The following GNAQ variants were observed in gnomAD, a reference collection of about 807,000 sequenced individuals.
GNAQ encodes guanine nucleotide-binding protein G(q) subunit alpha.
Under a neutral mutation model 43.9 loss-of-function variants are expected in GNAQ, and 8 were observed. The ratio of observed to expected loss-of-function variants is 0.18; its 90% CI spans 0.11 to 0.33. The LOEUF (loss-of-function observed/expected upper bound fraction) is 0.33. Among genes scored for constraint, GNAQ ranks in the 10% least tolerant of loss-of-function variants. GNAQ has a pLI of 1.00. For synonymous variants in GNAQ, 155 were observed against 170.7 expected (o/e 0.91, Z 0.71); for missense variants, 158 against 450.8 (o/e 0.35, Z 5.88).
chr9:77,755,674 C>T (rs752829350), intron 5 of GNAQ, among the ~76,000 whole-genome samples: 7 of 152,106 alleles, frequency 4.6e-5, no homozygotes, highest in African/African-American at 9.7e-5. Flanking sequence ...ATTTAAGTAT[C>T]GTTAACTTTA....
chr9:77,802,159 T>G (rs2118473578), intron 3 of GNAQ, among the ~76,000 whole-genome samples: 1 of 152,116 alleles, frequency 6.6e-6, no homozygotes, highest in Middle Eastern at 3.4e-3. Flanking sequence ...AGAGTGAGAC[T>G]CTGTCTCAAA....
At chr9:77,944,464 A>G (rs2118353755) in intron 1 of GNAQ, among the ~76,000 whole-genome samples, 1 of 152,184 alleles carries the variant, frequency 6.6e-6, no homozygotes, top group African/African-American at 2.4e-5. Flanking sequence ...TCCTCTTTAG[A>G]CCAGAAACCA....
intron 2 of GNAQ, among the ~76,000 whole-genome samples, chr9:77,868,965 C>T (rs1373750801): frequency 6.6e-6 from 1 of 152,010 alleles, no homozygotes; most frequent in Non-Finnish European, 1.5e-5. Flanking sequence ...TTAGCCTGGG[C>T]AACAGAGCAA....
intron 5 of GNAQ, among the ~76,000 whole-genome samples, chr9:77,764,755 G>A (rs978606680): frequency 2.0e-5 from 3 of 152,036 alleles, no homozygotes; most frequent in African/African-American, 7.2e-5. Context: ...GCGCCCAGCC[G>A]AAAAGACTTG....
intron 2 of GNAQ, among the ~76,000 whole-genome samples, chr9:77,884,717 T>C (rs79600247): frequency 6.6e-6 from 1 of 152,144 alleles, no homozygotes; most frequent in Non-Finnish European, 1.5e-5. Context: ...AAGCATAGTT[T>C]GCATCTCAGT....
intron 2 of GNAQ, among the ~76,000 whole-genome samples, chr9:77,838,554 A>T (rs186843105): frequency 1.3e-3 from 198 of 152,014 alleles, no homozygotes; most frequent in African/African-American, 4.7e-3. Context: ...GGAAGCAACT[A>T]TATTTCTGCC....
chr9:77,793,213 A>T (rs900776518), intron 5 of GNAQ, among the ~76,000 whole-genome samples: 2 of 152,298 alleles, frequency 1.3e-5, no homozygotes, highest in South Asian at 4.1e-4. Flanking sequence ...ACTTACTGTC[A>T]TATATTGTAG....
intron 1 of GNAQ, among the ~76,000 whole-genome samples, chr9:77,959,558 T>G (rs930483142): frequency 6.6e-6 from 1 of 152,188 alleles, no homozygotes; most frequent in Non-Finnish European, 1.5e-5. Flanking sequence ...TCAATCTGCA[T>G]GAAAGTATGT....
intron 2 of GNAQ, among the ~76,000 whole-genome samples, chr9:77,877,538 T>C (rs1393431996): frequency 6.6e-6 from 1 of 152,200 alleles, no homozygotes; most frequent in Non-Finnish European, 1.5e-5. Context: ...GGAAAAAATA[T>C]AGGTGGGTAA....
intron 1 of GNAQ, among the ~76,000 whole-genome samples, chr9:77,935,771 C>T (rs183840694): frequency 8.5e-4 from 129 of 152,226 alleles, no homozygotes; most frequent in Middle Eastern, 6.8e-3. Flanking sequence ...GCCCTATGTT[C>T]CTCCAGTATT....
At chr9:77,781,438 A>G (rs1826391703) in intron 5 of GNAQ, among the ~76,000 whole-genome samples, 1 of 152,086 alleles carries the variant, frequency 6.6e-6, no homozygotes. Context: ...CAAAGATTTA[A>G]GAAAGAAATC....
chr9:77,970,303 G>T (rs1823222152), intron 1 of GNAQ, among the ~76,000 whole-genome samples: 1 of 151,902 alleles, frequency 6.6e-6, no homozygotes, highest in African/African-American at 2.4e-5. Flanking sequence ...CCGTGCTCCT[G>T]CTCAGTTCCA....
intron 2 of GNAQ, among the ~76,000 whole-genome samples, chr9:77,902,725 T>C (rs1370748900): frequency 6.6e-6 from 1 of 152,206 alleles, no homozygotes; most frequent in Non-Finnish European, 1.5e-5. Flanking sequence ...TTTGTTTTTG[T>C]ACAAAACAGG....
intron 3 of GNAQ, among the ~76,000 whole-genome samples, chr9:77,809,731 C>T (rs1826888645): frequency 6.6e-6 from 1 of 152,148 alleles, no homozygotes; most frequent in Non-Finnish European, 1.5e-5. Flanking sequence ...TGCTGCCTGT[C>T]CTTTGAGTCA....
chr9:77,929,093 C>G (rs952952083), intron 1 of GNAQ, among the ~76,000 whole-genome samples: 1 of 152,142 alleles, frequency 6.6e-6, no homozygotes, highest in African/African-American at 2.4e-5. Context: ...AAACTAGCAT[C>G]AGTATAATTT....
At chr9:77,894,368 T>TTAATAGAAAAAATATATA (rs1828461622) in intron 2 of GNAQ, among the ~76,000 whole-genome samples, 2 of 10,338 alleles carry the variant, frequency 1.9e-4, no homozygotes, top group African/African-American at 5.7e-4. Context: ...ATATATATAT[T>TTAATAGAAAAAATATATA]ATATATATAT....
chr9:77,869,428 C>G (rs980985671), intron 2 of GNAQ, among the ~76,000 whole-genome samples: 3 of 152,136 alleles, frequency 2.0e-5, no homozygotes, highest in African/African-American at 7.2e-5. Flanking sequence ...GGAAAACAAT[C>G]TTTTGTGTTA....
chr9:77,889,089 A>G (rs1215701454), intron 2 of GNAQ, among the ~76,000 whole-genome samples: 1 of 152,088 alleles, frequency 6.6e-6, no homozygotes, highest in East Asian at 1.9e-4. Flanking sequence ...TAGTCATGCC[A>G]TACCTACTGA....
chr9:77,998,981 C>T (rs1014743323), intron 1 of GNAQ, among the ~76,000 whole-genome samples: 2 of 149,320 alleles, frequency 1.3e-5, no homozygotes, highest in Non-Finnish European at 3.0e-5. Flanking sequence ...ATCCCAGCTA[C>T]TTCGGGGGGC....
Sources: allele counts gnomAD v4.1 joint callset (sites outside exome capture counted in the v4.1 genomes callset), GRCh38; gene constraint gnomAD v4.1.1; transcripts MANE v1.5; gene names NCBI Gene and HGNC (gene_info 2026-07-23, HGNC 2026-07-21).